Variants in KLHL4 observed in about 807,000 individuals in gnomAD.
KLHL4 encodes the protein kelch-like protein 4.
Under a neutral mutation model 45.8 loss-of-function variants are expected in KLHL4, and 17 were observed. That is an observed-to-expected ratio of 0.37 (90% CI 0.25 to 0.56). The LOEUF is 0.56. Among genes scored for constraint, KLHL4 ranks in the 20% least tolerant of loss-of-function variants. The pLI is 0.79. For missense variants in KLHL4, 544 were observed against 544.9 expected (o/e 1.00, Z 0.02); for synonymous variants, 224 against 189.9 (o/e 1.18, Z -1.47).
At chrX:87,584,779 G>A (rs912021572) in intron 1 of KLHL4, among the ~76,000 whole-genome samples, 5 of 107,387 alleles carry the variant, frequency 4.7e-5, no homozygotes, top group Non-Finnish European at 9.6e-5. Context: ...AGAAGGTAGG[G>A]AAAAGATAGA....
intron 1 of KLHL4, among the ~76,000 whole-genome samples, chrX:87,609,262 TG>T (rs1231690418): frequency 8.9e-6 from 1 of 112,299 alleles, no homozygotes; most frequent in Non-Finnish European, 1.9e-5. Context: ...TATAATCCTT[TG>T]GGTATGTACC....
At chrX:87,579,955 A>T (rs1370170575) in intron 1 of KLHL4, among the ~76,000 whole-genome samples, 7 of 112,313 alleles carry the variant, frequency 6.2e-5, no homozygotes, top group African/African-American at 2.3e-4. Context: ...GATAATGGGT[A>T]AATCACTTTT....
At position 87,645,650 on chromosome X, in the gene KLHL4, C is replaced by G. The variant is rs146605606; in HGVS notation, c.1925+9875C>G. On this transcript the variant is annotated intron_variant, in intron 9 of 10. Transcript: ENST00000373119. ...CACTTGCAAAACTGTGGAACCAACC[C>G]AGATACCCATCAATCAACAAGTGGA... Among the ~76,000 whole-genome samples, 276 of 111,655 alleles carry G rather than the reference C, an allele frequency of 2.5e-3. 1 individual carries two copies. The highest frequency in any genetic ancestry group is 8.6e-3 in the African/African-American group (266 of 30,780).
At chrX:87,649,476 G>T (rs1923739669) in intron 9 of KLHL4, among the ~76,000 whole-genome samples, 2 of 111,187 alleles carry the variant, frequency 1.8e-5, no homozygotes, top group African/African-American at 6.5e-5. Context: ...AGATTTCCTG[G>T]TCACTGTGTT....
At chrX:87,647,760 T>C (rs1181523798) in intron 9 of KLHL4, among the ~76,000 whole-genome samples, 1 of 111,412 alleles carries the variant, frequency 9.0e-6, no homozygotes, top group African/African-American at 3.3e-5. Flanking sequence ...GGATAAAGTC[T>C]ACACATTTGG....
intron 1 of KLHL4, among the ~76,000 whole-genome samples, chrX:87,601,962 C>T (rs1276558495): frequency 9.1e-6 from 1 of 110,399 alleles, no homozygotes; most frequent in Non-Finnish European, 1.9e-5. Context: ...ATAATCTTGA[C>T]TCAGTTTAGA....
At chrX:87,554,590 G>T (rs1332682059) in intron 1 of KLHL4, among the ~76,000 whole-genome samples, 1 of 105,016 alleles carries the variant, frequency 9.5e-6, no homozygotes, top group South Asian at 4.5e-4. Flanking sequence ...CTTTGCTGAA[G>T]TTGCTTATCA....
intron 3 of KLHL4, among the ~76,000 whole-genome samples, chrX:87,615,121 G>A (rs767943725): frequency 2.7e-5 from 3 of 110,809 alleles, no homozygotes; most frequent in Non-Finnish European, 3.8e-5. Context: ...GTATACTTAG[G>A]CTCTTCTTAA....
intron 9 of KLHL4, among the ~76,000 whole-genome samples, chrX:87,640,938 A>G (rs758527901): frequency 8.9e-6 from 1 of 111,916 alleles, no homozygotes; most frequent in East Asian, 2.8e-4. Context: ...TACCTAGAAA[A>G]CCCTAAAGAC....
intron 1 of KLHL4, among the ~76,000 whole-genome samples, chrX:87,566,057 TTC>T (rs1932205071): frequency 9.5e-6 from 1 of 105,174 alleles, no homozygotes; most frequent in African/African-American, 3.5e-5. Context: ...AACCTGCACG[TTC>T]TGCACATGTA....
At chrX:87,533,697 A>C (rs780725867) in intron 1 of KLHL4, among the ~76,000 whole-genome samples, 146 of 110,527 alleles carry the variant, frequency 1.3e-3, no homozygotes, top group Non-Finnish European at 1.9e-3. Flanking sequence ...TAAAACTTAA[A>C]GTATAATAAT....
intron 1 of KLHL4, among the ~76,000 whole-genome samples, chrX:87,573,470 C>A (rs1161960280): frequency 1.8e-5 from 2 of 110,799 alleles, no homozygotes; most frequent in African/African-American, 3.3e-5. Context: ...TCAATAGTGA[C>A]TAGTTTATTA....
chrX:87,644,661 A>G (rs1345755319), intron 9 of KLHL4, among the ~76,000 whole-genome samples: 2 of 112,199 alleles, frequency 1.8e-5, no homozygotes, highest in East Asian at 5.6e-4. Flanking sequence ...ACCAGTCTAT[A>G]AAGCCATAGT....
chrX:87,613,933 A>G lies in KLHL4; in HGVS notation c.479A>G (p.His160Arg), dbSNP rs1301669528. The G allele has an allele frequency of 4.1e-6, 5 of 1,205,251 alleles. No homozygotes were observed. In the African/African-American group the frequency reaches 8.8e-5, roughly 21 times the overall value. ...GCCACCAGATCTGAAGAGCAGTTCC[A>G]TGTTATAAACCACGCAGAGCAAACT... ...MNATRSEEQFHVINHAEQTLR... is the reference protein window; with the variant it reads ...MNATRSEEQFRVINHAEQTLR... Residue 160 changes from histidine (H) to arginine (R), a missense_variant, in exon 2 of 11, where the codon CAT (histidine) becomes CGT (arginine). By Grantham distance (29) the His-to-Arg change is conservative (BLOSUM62 0). Transcript: ENST00000373119.
intron 1 of KLHL4, among the ~76,000 whole-genome samples, chrX:87,566,638 G>A (rs4828181): frequency 0.45 from 49,668 of 110,009 alleles, 8,124 homozygotes; most frequent in East Asian, 0.77. Flanking sequence ...TATCACTGTT[G>A]TACCATCATA....
chrX:87,665,398 A>G (rs1004698944), intron 10 of KLHL4, among the ~76,000 whole-genome samples: 1 of 111,376 alleles, frequency 9.0e-6, no homozygotes, highest in Non-Finnish European at 1.9e-5. Flanking sequence ...TTTACCATAT[A>G]GAGACTGTGT....
At chrX:87,616,031 A>G (rs1045701341) in intron 3 of KLHL4, among the ~76,000 whole-genome samples, 8 of 111,735 alleles carry the variant, frequency 7.2e-5, no homozygotes, top group African/African-American at 2.6e-4. Flanking sequence ...TTCCTATGCC[A>G]CAACCCCATA....
rs549440168 is a variant in KLHL4 at position 87,598,364 on chromosome X, A to G, written c.423-15513A>G. 5.4e-5 allele frequency among the ~76,000 whole-genome samples: 6 copies of G among 111,239 alleles called. No homozygotes were observed. The South Asian group carries it at 2.3e-3, about 42-fold the overall frequency. ...TGAAGTATTACAATTTCTGTATTAGAGAATTCCAAATTAATGAGGTTTGAC... is the reference window on the plus strand; with the variant it reads ...TGAAGTATTACAATTTCTGTATTAGGGAATTCCAAATTAATGAGGTTTGAC... On this transcript the variant is annotated intron_variant, in intron 1 of 10. Coordinates refer to ENST00000373119, the MANE Select transcript of KLHL4 (RefSeq NM_019117.5).
intron 1 of KLHL4, among the ~76,000 whole-genome samples, chrX:87,532,647 G>C (rs201667958): frequency 0.23 from 23,279 of 101,212 alleles, 2,809 homozygotes; most frequent in East Asian, 0.49. Context: ...AGAGGTCCTT[G>C]ACATCCCTTG....
Sources: allele counts gnomAD v4.1 joint callset (sites outside exome capture counted in the v4.1 genomes callset), GRCh38; gene constraint gnomAD v4.1.1; transcripts MANE v1.5; gene names NCBI Gene and HGNC (gene_info 2026-07-23, HGNC 2026-07-21).